Variants in NBAS observed in about 807,000 individuals in gnomAD.
The protein encoded by NBAS is NBAS subunit of NRZ tethering complex.
Under a neutral mutation model 302.5 loss-of-function variants are expected in NBAS, and 219 were observed. That is an observed-to-expected ratio of 0.72 (90% CI 0.65 to 0.81). NBAS has a LOEUF of 0.81. Among genes scored for constraint, NBAS ranks in the 30% least tolerant of loss-of-function variants. NBAS has a pLI of 0.00. For synonymous variants in NBAS, 1,118 were observed against 1,021.6 expected (o/e 1.09, Z -1.80); for missense variants, 2,932 against 2,841.6 (o/e 1.03, Z -0.72).
the NBAS span, among the ~76,000 whole-genome samples, chr2:15,054,272 C>T: frequency 6.6e-6 from 1 of 152,184 alleles, no homozygotes; most frequent in Non-Finnish European, 1.5e-5. Flanking sequence ...AAGCCAAAGG[C>T]TAATCAGCTA....
At chr2:15,502,256 T>C (rs749785295) in intron 11 of NBAS, among the ~76,000 whole-genome samples, 2 of 152,176 alleles carry the variant, frequency 1.3e-5, no homozygotes, top group African/African-American at 2.4e-5. Context: ...GCAAACTTCC[T>C]GTGAGATCCT....
At chr2:14,847,919 A>C in the NBAS span, among the ~76,000 whole-genome samples, 1 of 152,362 alleles carries the variant, frequency 6.6e-6, no homozygotes, top group South Asian at 2.1e-4. Flanking sequence ...AATTGAAATT[A>C]TATCAAGCAT....
chr2:15,280,763 T>C (rs555668999), intron 42 of NBAS, among the ~76,000 whole-genome samples: 35 of 152,164 alleles, frequency 2.3e-4, no homozygotes, highest in South Asian at 4.1e-4. Flanking sequence ...TCAACGTGAA[T>C]GATCATCACT....
chr2:15,212,068 A>G (rs1333754148), intron 48 of NBAS, among the ~76,000 whole-genome samples: 2 of 152,222 alleles, frequency 1.3e-5, no homozygotes, highest in East Asian at 3.8e-4. Context: ...CAGAGGCAAA[A>G]TAAGTTCTTT....
chr2:15,211,893 C>A (rs143642537), intron 48 of NBAS, among the ~76,000 whole-genome samples: 7 of 152,144 alleles, frequency 4.6e-5, no homozygotes, highest in Admixed American at 3.3e-4. Context: ...ATAAACAGAG[C>A]GTCCCTATAT....
chr2:15,522,467 G>A (rs568775446), intron 9 of NBAS, among the ~76,000 whole-genome samples: 1 of 152,230 alleles, frequency 6.6e-6, no homozygotes. Flanking sequence ...GGAGGTACTT[G>A]TGAGCTATCC....
chr2:15,256,040 C>T (rs1047323861), intron 44 of NBAS, among the ~76,000 whole-genome samples: 1 of 151,998 alleles, frequency 6.6e-6, no homozygotes, highest in Non-Finnish European at 1.5e-5. Context: ...TATGAAGACT[C>T]TTTTTGGGTT....
At chr2:15,324,801 T>C (rs1671988032) in intron 38 of NBAS, among the ~76,000 whole-genome samples, 1 of 152,196 alleles carries the variant, frequency 6.6e-6, no homozygotes, top group Non-Finnish European at 1.5e-5. Flanking sequence ...CATCTTCAAG[T>C]ATGTTTCTCC....
rs546661109 is a variant in NBAS, at chr2:15,183,268, C to A, written c.6711+3474G>T. On this transcript the variant is annotated intron_variant, in intron 50 of 51. Transcript: ENST00000281513. ...AACAGTACATACCATTTGCAAATAGCCTCTAATCACAGCAGCCTCAGGAAA... is the reference window on the plus strand; with the variant it reads ...AACAGTACATACCATTTGCAAATAGACTCTAATCACAGCAGCCTCAGGAAA... 3.3e-5 allele frequency among the ~76,000 whole-genome samples: 5 copies of A among 152,276 alleles called. No individual in the cohort carries two copies. The South Asian group carries it at 1.0e-3, about 32-fold the overall frequency.
the NBAS span, among the ~76,000 whole-genome samples, chr2:14,801,628 T>C: frequency 6.6e-6 from 1 of 152,176 alleles, no homozygotes; most frequent in Non-Finnish European, 1.5e-5. Context: ...ATTTTGGTGT[T>C]AGTTTTCAAT....
the NBAS span, among the ~76,000 whole-genome samples, chr2:14,877,384 T>C: frequency 6.6e-6 from 1 of 152,212 alleles, no homozygotes; most frequent in African/African-American, 2.4e-5. Context: ...CCTACTGGTA[T>C]ATACTGGCTA....
intron 47 of NBAS, among the ~76,000 whole-genome samples, chr2:15,232,133 T>A: frequency 6.6e-6 from 1 of 152,112 alleles, no homozygotes; most frequent in East Asian, 1.9e-4. Flanking sequence ...CCCTATCTTG[T>A]AGGAAGCTCA....
intron 6 of NBAS, among the ~76,000 whole-genome samples, chr2:15,550,359 T>C (rs1256057151): frequency 5.9e-5 from 9 of 152,164 alleles, no homozygotes; most frequent in African/African-American, 1.4e-4. Flanking sequence ...AAGAAAATCA[T>C]GTAAAGCCCT....
chr2:14,834,406 C>G, the NBAS span, among the ~76,000 whole-genome samples: 1 of 152,154 alleles, frequency 6.6e-6, no homozygotes. Flanking sequence ...TCAAGGCCTA[C>G]TGCAGATGGA....
chr2:15,504,359 T>C (rs919902459), intron 10 of NBAS, 146 bp from the exon 11 acceptor site: 4 of 732,996 alleles, frequency 5.5e-6, no homozygotes, highest in Non-Finnish European at 4.6e-6. Context: ...GTCAAGGATC[T>C]TGGTGAGATT....
At chr2:15,349,531 G>A (rs2148292030) in intron 35 of NBAS, among the ~76,000 whole-genome samples, 1 of 152,278 alleles carries the variant, frequency 6.6e-6, no homozygotes, top group East Asian at 1.9e-4. Flanking sequence ...AACAAAAGAA[G>A]TCTACTGCCT....
At chr2:15,023,194 T>C in the NBAS span, among the ~76,000 whole-genome samples, 3 of 152,316 alleles carry the variant, frequency 2.0e-5, no homozygotes, top group South Asian at 6.2e-4. Flanking sequence ...ATCATGCTTT[T>C]CTCATTCAAT....
the NBAS span, among the ~76,000 whole-genome samples, chr2:14,790,696 G>T: frequency 6.8e-6 from 1 of 146,776 alleles, no homozygotes; most frequent in Non-Finnish European, 1.5e-5. Flanking sequence ...TTGTTGCCCA[G>T]GCTGGAGTGC....
intron 25 of NBAS, among the ~76,000 whole-genome samples, chr2:15,411,067 C>T (rs893713703): frequency 2.0e-5 from 3 of 152,114 alleles, no homozygotes; most frequent in Admixed American, 6.5e-5. Flanking sequence ...GCTTGGTACC[C>T]CTCCTCGGTG....
Sources: gnomAD v4.1 joint callset for allele counts (sites outside exome capture counted in the v4.1 genomes callset) on GRCh38, gnomAD v4.1.1 for gene constraint, MANE v1.5 for transcripts, NCBI Gene and HGNC (gene_info 2026-07-23, HGNC 2026-07-21) for gene names.